The following PHACTR1 variants were observed in gnomAD, a reference collection of about 807,000 sequenced individuals.
PHACTR1 encodes RPEL repeat containing 1.
PHACTR1 carries 16 observed loss-of-function variants against 69.2 expected under a neutral mutation model. The observed-to-expected ratio is 0.23, with a 90% CI of 0.16 to 0.35. The LOEUF (loss-of-function observed/expected upper bound fraction) is 0.35. Among genes scored for constraint, PHACTR1 ranks in the 10% least tolerant of loss-of-function variants. The probability of loss-of-function intolerance (pLI) is 1.00; values close to 1 mark genes in which losing one functional copy is unlikely to be tolerated. For synonymous variants in PHACTR1, 312 were observed against 284.5 expected (o/e 1.10, Z -0.97); for missense variants, 510 against 734.7 (o/e 0.69, Z 3.54).
At chr6:13,223,996 C>T (rs4715169) in intron 8 of PHACTR1, among the ~76,000 whole-genome samples, 91,835 of 151,922 alleles carry the variant, frequency 0.6, 28,465 homozygotes, top group Admixed American at 0.69. Context: ...TTAAAAAAAA[C>T]CCCTTAGTTA....
chr6:12,742,171 C>A (rs1765137635), intron 3 of PHACTR1, among the ~76,000 whole-genome samples: 1 of 152,128 alleles, frequency 6.6e-6, no homozygotes, highest in African/African-American at 2.4e-5. Flanking sequence ...CTGGCAGAGG[C>A]ATGGGCCACT....
chr6:12,745,519 T>C (rs979956861), intron 3 of PHACTR1, among the ~76,000 whole-genome samples: 1 of 152,078 alleles, frequency 6.6e-6, no homozygotes, highest in Non-Finnish European at 1.5e-5. Flanking sequence ...TTCACACATA[T>C]AAACAATCAT....
chr6:13,064,843 T>C (rs1026956935), intron 5 of PHACTR1, among the ~76,000 whole-genome samples: 1 of 151,484 alleles, frequency 6.6e-6, no homozygotes. Context: ...AACTTGATTT[T>C]TGTGATTGTC....
chr6:13,268,747 C>T (rs533957199), intron 10 of PHACTR1, among the ~76,000 whole-genome samples: 1 of 152,294 alleles, frequency 6.6e-6, no homozygotes, highest in Admixed American at 6.5e-5. Flanking sequence ...TATCATTTTC[C>T]TCCCAAATCT....
intron 4 of PHACTR1, among the ~76,000 whole-genome samples, chr6:12,803,518 C>A (rs1773946398): frequency 1.3e-5 from 2 of 152,222 alleles, no homozygotes; most frequent in Admixed American, 1.3e-4. Flanking sequence ...CAAGCAGCCT[C>A]ACCTTACACT....
At chr6:12,919,110 G>A (rs1787350000) in intron 4 of PHACTR1, among the ~76,000 whole-genome samples, 1 of 152,112 alleles carries the variant, frequency 6.6e-6, no homozygotes, top group Non-Finnish European at 1.5e-5. Flanking sequence ...TTACAGGCAT[G>A]AGCTACTGCA....
chr6:12,892,225 G>T (rs1217967471), intron 4 of PHACTR1, among the ~76,000 whole-genome samples: 1 of 151,394 alleles, frequency 6.6e-6, no homozygotes, highest in Non-Finnish European at 1.5e-5. Context: ...AAAATTCGTA[G>T]TCTTTGCCAA....
intron 4 of PHACTR1, among the ~76,000 whole-genome samples, chr6:13,047,952 G>A (rs1353387827): frequency 1.3e-5 from 2 of 151,798 alleles, no homozygotes; most frequent in Admixed American, 6.6e-5. Flanking sequence ...TTGCCACCAG[G>A]GCTGGGGTTC....
chr6:12,785,775 A>G (rs933744671), intron 4 of PHACTR1, among the ~76,000 whole-genome samples: 1 of 152,194 alleles, frequency 6.6e-6, no homozygotes, highest in Non-Finnish European at 1.5e-5. Flanking sequence ...TCATTTGTTT[A>G]TGTTATATGT....
intron 7 of PHACTR1, among the ~76,000 whole-genome samples, chr6:13,198,835 AT>A (rs1330026610): frequency 2.0e-5 from 3 of 152,194 alleles, no homozygotes; most frequent in African/African-American, 7.2e-5. Flanking sequence ...ACAGAACTGA[AT>A]CAGTGCATGA....
intron 5 of PHACTR1, among the ~76,000 whole-genome samples, chr6:13,130,002 C>T (rs6904944): frequency 0.036 from 5,457 of 152,128 alleles, 226 homozygotes; most frequent in African/African-American, 0.099. Context: ...CCAAATGGAG[C>T]CCCTAAAACT....
intron 10 of PHACTR1, among the ~76,000 whole-genome samples, chr6:13,248,931 T>C (rs1773961930): frequency 6.6e-6 from 1 of 152,202 alleles, no homozygotes; most frequent in Non-Finnish European, 1.5e-5. Flanking sequence ...ATGCATAAGC[T>C]ATAATGTCTT....
intron 11 of PHACTR1, chr6:13,274,301 T>G (rs1584375431): frequency 6.6e-6 from 1 of 152,322 alleles, no homozygotes; most frequent in East Asian, 1.9e-4. Context: ...TGTGTTTACT[T>G]TTTTCTGCCC....
intron 4 of PHACTR1, among the ~76,000 whole-genome samples, chr6:13,007,949 A>G (rs1392352585): frequency 2.6e-5 from 4 of 152,186 alleles, no homozygotes; most frequent in Non-Finnish European, 4.4e-5. Context: ...AAGTAAAACT[A>G]CTTTCCATTC....
intron 7 of PHACTR1, among the ~76,000 whole-genome samples, chr6:13,187,043 C>T (rs563623346): frequency 2.0e-5 from 3 of 152,190 alleles, no homozygotes; most frequent in Non-Finnish European, 4.4e-5. Flanking sequence ...CAATAGGGTT[C>T]GCGCTCATCT....
intron 10 of PHACTR1, among the ~76,000 whole-genome samples, chr6:13,247,364 T>TGTGTGTGTGA (rs1554171040): frequency 1.8e-3 from 276 of 150,064 alleles, no homozygotes; most frequent in African/African-American, 6.6e-3. Context: ...TGTGTGTGTG[T>TGTGTGTGTGA]GACGGAGTTT....
At chr6:12,985,535 A>ATATATAT (rs1369860377) in intron 4 of PHACTR1, among the ~76,000 whole-genome samples, 2 of 136,124 alleles carry the variant, frequency 1.5e-5, no homozygotes, top group African/African-American at 2.9e-5. Flanking sequence ...AATTAAAAAA[A>ATATATAT]AAAAAAATAT....
rs1777120935 is a variant in PHACTR1, at chr6:12,829,064, C to T, written c.250+79274C>T. ...TGTATTGAAATATCACTCCGTACCC[C>T]ATAAATGTGTGCCATTATTATGTGC... On this transcript the variant is annotated intron_variant, in intron 4 of 14. Coordinates refer to ENST00000332995, the MANE Select transcript of PHACTR1 (RefSeq NM_030948.6). Among the ~76,000 whole-genome samples the T allele has an allele frequency of 1.3e-5, 2 of 152,068 alleles. 1 individual carries two copies. Among genetic ancestry groups the T allele is most frequent in the Admixed American group, 1.3e-4 (2 of 15,258 alleles).
chr6:13,257,861 G>C (rs1442573476), intron 10 of PHACTR1, among the ~76,000 whole-genome samples: 2 of 152,112 alleles, frequency 1.3e-5, no homozygotes, highest in Non-Finnish European at 2.9e-5. Context: ...CTCCTGGAGA[G>C]AGCTTGTAAA....
Sources: gnomAD v4.1 joint callset for allele counts (sites outside exome capture counted in the v4.1 genomes callset) on GRCh38, gnomAD v4.1.1 for gene constraint, MANE v1.5 for transcripts, NCBI Gene and HGNC (gene_info 2026-07-23, HGNC 2026-07-21) for gene names.